The following AKAP19 variants were observed in gnomAD, a reference collection of about 807,000 sequenced individuals.
AKAP19 encodes A-kinase anchoring protein 19, also known as small A-kinase anchoring protein.
chr2:190,156,242 A>T, the AKAP19 span, among the ~76,000 whole-genome samples: 2 of 151,898 alleles, frequency 1.3e-5, no homozygotes, highest in Non-Finnish European at 2.9e-5. Flanking sequence ...TTTTTAAAAT[A>T]GTGCTGATCC....
At chr2:189,932,058 G>A in the AKAP19 span, among the ~76,000 whole-genome samples, 1 of 152,108 alleles carries the variant, frequency 6.6e-6, no homozygotes, top group Admixed American at 6.5e-5. Context: ...ATCCCTCATC[G>A]TGTTTAGTTG....
the AKAP19 span, among the ~76,000 whole-genome samples, chr2:190,091,281 A>G: frequency 3.8e-3 from 583 of 152,314 alleles, 9 homozygotes; most frequent in Non-Finnish European, 2.4e-3. Context: ...ACAGAAACTC[A>G]TTTTAAATTT....
At chr2:190,112,600 A>T in the AKAP19 span, among the ~76,000 whole-genome samples, 11 of 152,116 alleles carry the variant, frequency 7.2e-5, no homozygotes, top group African/African-American at 2.4e-4. Context: ...TTTTTATTAT[A>T]TGTAGTTGTT....
the AKAP19 span, chr2:190,181,252 C>A: frequency 1.5e-6 from 1 of 671,944 alleles, no homozygotes; most frequent in Non-Finnish European, 1.8e-6. Context: ...CGTTCTCAGC[C>A]AGCTGCCGTG....
chr2:190,198,010 TAAC>T, the AKAP19 span, among the ~76,000 whole-genome samples: 2 of 152,168 alleles, frequency 1.3e-5, no homozygotes, highest in Admixed American at 1.3e-4. Context: ...TGCTGATGAT[TAAC>T]AACCAAGACA....
the AKAP19 span, among the ~76,000 whole-genome samples, chr2:190,026,155 G>A: frequency 4.6e-5 from 7 of 152,104 alleles, no homozygotes; most frequent in African/African-American, 1.7e-4. Flanking sequence ...GCAGTGATTT[G>A]TGTAGTTGCT....
chr2:190,137,054 C>T, the AKAP19 span, among the ~76,000 whole-genome samples: 1 of 152,198 alleles, frequency 6.6e-6, no homozygotes, highest in African/African-American at 2.4e-5. Flanking sequence ...CAGGGACAAT[C>T]ATACTTTTAC....
At chr2:189,946,626 C>A in the AKAP19 span, among the ~76,000 whole-genome samples, 1 of 151,994 alleles carries the variant, frequency 6.6e-6, no homozygotes, top group Non-Finnish European at 1.5e-5. Context: ...TTTTTAGTCC[C>A]CAAATTCTGA....
chr2:189,961,224 A>G, the AKAP19 span, among the ~76,000 whole-genome samples: 1 of 152,188 alleles, frequency 6.6e-6, no homozygotes, highest in African/African-American at 2.4e-5. Flanking sequence ...GCACACATAC[A>G]TACCCCAATA....
the AKAP19 span, among the ~76,000 whole-genome samples, chr2:190,018,272 A>G: frequency 6.6e-6 from 1 of 151,954 alleles, no homozygotes; most frequent in African/African-American, 2.4e-5. Context: ...TGGAAATCCT[A>G]TTCTATCAAC....
At chr2:190,163,187 C>T in the AKAP19 span, among the ~76,000 whole-genome samples, 1 of 152,092 alleles carries the variant, frequency 6.6e-6, no homozygotes. Flanking sequence ...GTAATCCTAG[C>T]ACTTTGGGAG....
At chr2:190,199,263 A>G in the AKAP19 span, among the ~76,000 whole-genome samples, 2 of 152,176 alleles carry the variant, frequency 1.3e-5, no homozygotes, top group Non-Finnish European at 2.9e-5. Flanking sequence ...TGTGGGCCAC[A>G]TGGTCTGTCA....
the AKAP19 span, among the ~76,000 whole-genome samples, chr2:189,965,123 A>G: frequency 6.6e-6 from 1 of 152,124 alleles, no homozygotes; most frequent in Non-Finnish European, 1.5e-5. Context: ...TTGGCCTAAT[A>G]TCAATATTGT....
At chr2:189,968,098 T>A in the AKAP19 span, among the ~76,000 whole-genome samples, 1 of 151,600 alleles carries the variant, frequency 6.6e-6, no homozygotes, top group African/African-American at 2.4e-5. Context: ...AACAGAATGA[T>A]CAAAAGTACT....
At chr2:190,200,469 C>A in the AKAP19 span, 1 of 220,028 alleles carries the variant, frequency 4.5e-6, no homozygotes, top group Non-Finnish European at 9.9e-6. Context: ...AAAAACTGCC[C>A]CAAATTCCAA....
the AKAP19 span, among the ~76,000 whole-genome samples, chr2:189,936,984 A>C: frequency 2.0e-5 from 3 of 152,084 alleles, no homozygotes; most frequent in African/African-American, 7.2e-5. Context: ...AAATAAAAAA[A>C]TGTATGTGGG....
chr2:189,967,009 T>C, the AKAP19 span, among the ~76,000 whole-genome samples: 1 of 152,214 alleles, frequency 6.6e-6, no homozygotes, highest in Non-Finnish European at 1.5e-5. Flanking sequence ...TTCTGCATAG[T>C]AATAGAAGTA....
the AKAP19 span, among the ~76,000 whole-genome samples, chr2:190,192,273 G>C: frequency 1.3e-5 from 2 of 152,024 alleles, no homozygotes; most frequent in African/African-American, 2.4e-5. Flanking sequence ...TTTTATGGGT[G>C]TATCTCTGGA....
chr2:190,039,285 GC>G, the AKAP19 span, among the ~76,000 whole-genome samples: 1 of 151,948 alleles, frequency 6.6e-6, no homozygotes, highest in Non-Finnish European at 1.5e-5. Flanking sequence ...TGCCATGTTG[GC>G]CAGGTCGGTC....
Sources: allele counts gnomAD v4.1 joint callset (sites outside exome capture counted in the v4.1 genomes callset), GRCh38; gene constraint gnomAD v4.1.1; transcripts MANE v1.5; gene names NCBI Gene and HGNC (gene_info 2026-07-23, HGNC 2026-07-21).